The following LIMS1 variants were observed in gnomAD, a reference collection of about 807,000 sequenced individuals.
LIMS1 encodes the protein LIM and senescent cell antigen-like-containing domain protein 1.
LIMS1 carries 18 observed loss-of-function variants against 44.1 expected under a neutral mutation model. The observed-to-expected ratio is 0.41, with a 90% CI of 0.28 to 0.61. The LOEUF is 0.61. LIMS1 is among the 20% of genes least tolerant of loss of function. The pLI is 0.32. For synonymous variants in LIMS1, 93 were observed against 149.1 expected, an observed-to-expected ratio of 0.62 and a Z score of 2.74; for missense variants, 201 against 422.0, an observed-to-expected ratio of 0.48 and a Z score of 4.59.
rs185943761 is a variant in LIMS1 at position 108,587,730 on chromosome 2, C to G, written c.32+53136C>G. Among the ~76,000 whole-genome samples, 307 of 152,306 alleles carry G rather than the reference C, an allele frequency of 2.0e-3. 3 individuals carry two copies. The highest frequency in any genetic ancestry group is 7.1e-3 in the African/African-American group (293 of 41,560). On this transcript the variant is annotated intron_variant, in intron 1 of 9. Transcript: ENST00000544547. ...CAACTAAATTAGATCCCTTTATTCT[C>G]CAGTGGAAACTTGGCACTGAGGAGT...
chr2:108,610,241 G>A (rs1687528498), intron 1 of LIMS1, among the ~76,000 whole-genome samples: 1 of 150,422 alleles, frequency 6.6e-6, no homozygotes, highest in East Asian at 1.9e-4. Flanking sequence ...ATAGAGATGG[G>A]GTCTCACTAT....
In LIMS1 at chr2:108,572,079, G is replaced by A. The variant is rs1439925192; in HGVS notation, c.32+37485G>A. On this transcript the variant is annotated intron_variant, in intron 1 of 9. Coordinates refer to ENST00000544547, the Ensembl canonical transcript of LIMS1. ...GAGCTTATGTCTAAATACTGGTTGT[G>A]TCATGAGTGGCCTATTATAAAGCCA... 2.0e-5 allele frequency among the ~76,000 whole-genome samples: 3 copies of A among 152,120 alleles called. No individual in the cohort carries two copies. In the East Asian group the frequency reaches 5.8e-4, roughly 29 times the overall value.
At position 108,672,214 on chromosome 2, in the gene LIMS1, C is replaced by T. The variant is rs1335219925; in HGVS notation, c.260-111C>T. ...GTTCCTCTATTGAGAAAGGCTTCAACGGTTTTTTTCCTCATTGTTTTTCCT... is the reference window on the plus strand; with the variant it reads ...GTTCCTCTATTGAGAAAGGCTTCAATGGTTTTTTTCCTCATTGTTTTTCCT... On this transcript the variant is annotated intron_variant, in intron 3 of 9. Coordinates refer to ENST00000544547, the Ensembl canonical transcript of LIMS1. The T allele has an allele frequency of 1.1e-4, 104 of 922,540 alleles. 4 individuals are homozygous for T. In the South Asian group the frequency reaches 1.5e-3, roughly 13 times the overall value. The allele number at this position is 922,540 out of a possible 1,614,324, so 57.1% of individuals were successfully genotyped here. A position where few individuals can be genotyped will look rare whatever the true frequency, so the allele number is the denominator to read the frequency against.
intron 1 of LIMS1, among the ~76,000 whole-genome samples, chr2:108,657,527 A>G (rs1259599133): frequency 6.6e-6 from 1 of 152,292 alleles, no homozygotes; most frequent in Non-Finnish European, 1.5e-5. Flanking sequence ...GACTTTGGTC[A>G]GAAAGAGGGA....
intron 5 of LIMS1, among the ~76,000 whole-genome samples, chr2:108,674,288 C>T (rs565798878): frequency 7.4e-4 from 113 of 151,880 alleles, no homozygotes; most frequent in Non-Finnish European, 1.3e-3. Context: ...TGAGATCGCA[C>T]CACTGCACTC....
intron 1 of LIMS1, chr2:108,588,274 A>G (rs2104674737): frequency 1.0e-6 from 1 of 969,774 alleles, no homozygotes; most frequent in East Asian, 1.1e-4. Context: ...ATACAGGAAA[A>G]AAAAAAACCC....
chr2:108,623,615 A>G (rs1688386690), intron 1 of LIMS1, among the ~76,000 whole-genome samples: 1 of 152,218 alleles, frequency 6.6e-6, no homozygotes, highest in Admixed American at 6.5e-5. Context: ...GCCTCGCCAC[A>G]GGAACACCCA....
exon 6 of LIMS1, chr2:108,675,992 C>A (rs111779374): frequency 6.2e-7 from 1 of 1,613,810 alleles, no homozygotes; most frequent in South Asian, 1.1e-5. Flanking sequence ...TCGAAGGGCG[C>A]GTGGTGAACG....
intron 1 of LIMS1, among the ~76,000 whole-genome samples, chr2:108,622,431 CTA>C (rs1688299616): frequency 6.6e-6 from 1 of 152,134 alleles, no homozygotes; most frequent in African/African-American, 2.4e-5. Context: ...TCACAGACAG[CTA>C]TACTACAGTA....
chr2:108,683,287 A>T (rs1400269637), intron 9 of LIMS1, among the ~76,000 whole-genome samples: 2 of 152,194 alleles, frequency 1.3e-5, no homozygotes, highest in East Asian at 3.8e-4. Flanking sequence ...CATTATAAAA[A>T]TATGATTCTT....
chr2:108,538,246 A>G (rs527417368), intron 1 of LIMS1, among the ~76,000 whole-genome samples: 37 of 152,018 alleles, frequency 2.4e-4, no homozygotes, highest in African/African-American at 8.7e-4. Flanking sequence ...TTTCCTTTTC[A>G]CTCTTTCTGA....
chr2:108,655,127 TC>T (rs774446983), intron 1 of LIMS1: 9 of 1,596,744 alleles, frequency 5.6e-6, no homozygotes, highest in Non-Finnish European at 6.8e-6. Flanking sequence ...AACGAAGAAA[TC>T]CCCCGAGCAG....
intron 1 of LIMS1, among the ~76,000 whole-genome samples, chr2:108,537,397 AGT>A (rs1199799608): frequency 3.3e-5 from 5 of 152,228 alleles, no homozygotes; most frequent in Non-Finnish European, 7.3e-5. Context: ...TGCTTGTGGT[AGT>A]GTGTGCCTTG....
chr2:108,578,777 G>A lies in LIMS1; in HGVS notation c.32+44183G>A, dbSNP rs574721006. Among the ~76,000 whole-genome samples the A allele has an allele frequency of 3.3e-3, 502 of 151,898 alleles. 2 individuals carry two copies. Among genetic ancestry groups the A allele is most frequent in the African/African-American group, 0.012 (477 of 41,420 alleles). On this transcript the variant is annotated intron_variant, in intron 1 of 9. Coordinates refer to ENST00000544547, the Ensembl canonical transcript of LIMS1. ...CCTGGCTAATTTTTTTGTATTTTTAGTAGAGATGGGGTTTCACTGTGTTAG... is the reference window on the plus strand; with the variant it reads ...CCTGGCTAATTTTTTTGTATTTTTAATAGAGATGGGGTTTCACTGTGTTAG...
At chr2:108,571,834 T>G (rs563494897) in intron 1 of LIMS1, among the ~76,000 whole-genome samples, 1 of 152,304 alleles carries the variant, frequency 6.6e-6, no homozygotes, top group African/African-American at 2.4e-5. Context: ...AGGAAAACTG[T>G]TCAATGTAGG....
intron 1 of LIMS1, among the ~76,000 whole-genome samples, chr2:108,603,373 T>C (rs1573420351): frequency 6.6e-6 from 1 of 152,198 alleles, no homozygotes; most frequent in East Asian, 1.9e-4. Context: ...AGGTTGTATG[T>C]ATCTAGGAAT....
chr2:108,640,331 A>G (rs1689582757), intron 1 of LIMS1, among the ~76,000 whole-genome samples: 1 of 152,212 alleles, frequency 6.6e-6, no homozygotes, highest in Non-Finnish European at 1.5e-5. Flanking sequence ...GAGATCATCC[A>G]GGGAGAGGTG....
intron 1 of LIMS1, among the ~76,000 whole-genome samples, chr2:108,629,520 T>C (rs965613247): frequency 1.2e-4 from 18 of 152,310 alleles, no homozygotes; most frequent in African/African-American, 3.1e-4. Flanking sequence ...AATGCAAGTA[T>C]CAGTTATAGA....
chr2:108,561,857 C>T lies in LIMS1; in HGVS notation c.32+27263C>T, dbSNP rs138877383. Among the ~76,000 whole-genome samples, 366 of 151,964 alleles carry T rather than the reference C, an allele frequency of 2.4e-3. 3 individuals carry two copies. In the South Asian group the frequency reaches 0.03, roughly 13 times the overall value. ...TCCCGGGTTCAAGCAACTCTCATGC[C>T]TCAGCCTCCTGAGTAGCTGGGACTA... is the stretch of plus-strand genomic sequence containing the variant. On this transcript the variant is annotated intron_variant, in intron 1 of 9. Coordinates refer to ENST00000544547, the Ensembl canonical transcript of LIMS1.
Sources: allele counts gnomAD v4.1 joint callset (sites outside exome capture counted in the v4.1 genomes callset), GRCh38; gene constraint gnomAD v4.1.1; transcripts MANE v1.5; gene names NCBI Gene and HGNC (gene_info 2026-07-23, HGNC 2026-07-21).